The following SAMD3 variants were observed in gnomAD, a reference collection of about 807,000 sequenced individuals.
The protein encoded by SAMD3 is sterile alpha motif domain-containing protein 3.
SAMD3 carries 63 observed loss-of-function variants against 58.5 expected under a neutral mutation model. The observed-to-expected ratio is 1.08, with a 90% CI of 0.88 to 1.33. The LOEUF (loss-of-function observed/expected upper bound fraction) is 1.33, where lower values mean the gene tolerates loss of function less well. Among genes scored for constraint, SAMD3 ranks in the 40% most tolerant of loss-of-function variants. SAMD3 has a pLI of 0.00. For synonymous variants in SAMD3, 220 were observed against 210.3 expected (o/e 1.05, Z -0.40); for missense variants, 604 against 608.4 (o/e 0.99, Z 0.08).
chr6:130,200,005 A>T (rs7763493), intron 5 of SAMD3, among the ~76,000 whole-genome samples: 120,228 of 152,018 alleles, frequency 0.79, 48,039 homozygotes, highest in African/African-American at 0.9. Context: ...CTTGGCAAAG[A>T]TAGACAGATG....
In SAMD3 at chr6:130,165,291, AAACT is replaced by A. The variant is rs1428969044; in HGVS notation, c.823-10270_823-10267del. ...GCAAAACAGAAACCAAATGTAGATT[AAACT>A]AACTGACAAAGATAAAATGATCTAT... On this transcript the variant is annotated intron_variant, in intron 8 of 11. Coordinates refer to ENST00000439090, the MANE Select transcript of SAMD3 (RefSeq NM_001017373.4). 3.3e-5 allele frequency among the ~76,000 whole-genome samples: 5 copies of A among 152,326 alleles called. No homozygotes were observed. The East Asian group carries it at 7.7e-4, about 23-fold the overall frequency.
intron 2 of SAMD3, among the ~76,000 whole-genome samples, chr6:130,310,007 C>G (rs1776088241): frequency 6.6e-6 from 1 of 152,054 alleles, no homozygotes; most frequent in Non-Finnish European, 1.5e-5. Context: ...AAGTTAATAC[C>G]TGTTTCTGTC....
At chr6:130,321,545 T>G (rs1426329592) in intron 1 of SAMD3, among the ~76,000 whole-genome samples, 1 of 152,202 alleles carries the variant, frequency 6.6e-6, no homozygotes, top group Non-Finnish European at 1.5e-5. Flanking sequence ...AATCCAGAGG[T>G]GTTCCTTAGA....
upstream of SAMD3, among the ~76,000 whole-genome samples, chr6:130,224,776 G>GC (rs756965018): frequency 7.3e-5 from 11 of 151,710 alleles, no homozygotes; most frequent in Non-Finnish European, 1.5e-4. Context: ...GTGCCACCAC[G>GC]CCCAGCTAAG....
At chr6:130,217,745 A>C (rs1322763939) in intron 1 of SAMD3, among the ~76,000 whole-genome samples, 2 of 152,210 alleles carry the variant, frequency 1.3e-5, no homozygotes, top group Non-Finnish European at 2.9e-5. Context: ...AAAATATGAA[A>C]ACTTTTTGTC....
At chr6:130,277,474 T>C (rs1583040778) in intron 2 of SAMD3, among the ~76,000 whole-genome samples, 1 of 152,346 alleles carries the variant, frequency 6.6e-6, no homozygotes, top group Middle Eastern at 3.4e-3. Context: ...TTGACACTAA[T>C]TGATCAGCCA....
intron 2 of SAMD3, among the ~76,000 whole-genome samples, chr6:130,311,940 G>A (rs528632037): frequency 4.6e-4 from 70 of 152,202 alleles, no homozygotes; most frequent in African/African-American, 1.7e-3. Context: ...GAGAGAAGGA[G>A]CCTGCCTGAA....
At chr6:130,279,801 A>C (rs1774920114) in intron 2 of SAMD3, among the ~76,000 whole-genome samples, 1 of 152,086 alleles carries the variant, frequency 6.6e-6, no homozygotes, top group Non-Finnish European at 1.5e-5. Flanking sequence ...TCTTTTCTTT[A>C]TAAATTACCC....
chr6:130,199,748 TA>T (rs1794471215), intron 5 of SAMD3, among the ~76,000 whole-genome samples: 1 of 152,218 alleles, frequency 6.6e-6, no homozygotes, highest in Non-Finnish European at 1.5e-5. Flanking sequence ...AAAGCACCCC[TA>T]AACTATGAAG....
chr6:130,169,777 G>T (rs1791073866), intron 8 of SAMD3, among the ~76,000 whole-genome samples: 1 of 152,202 alleles, frequency 6.6e-6, no homozygotes, highest in Non-Finnish European at 1.5e-5. Flanking sequence ...AACACAAGAG[G>T]TGGGCTTGTA....
intron 1 of SAMD3, among the ~76,000 whole-genome samples, chr6:130,318,246 T>C (rs1316879934): frequency 6.6e-6 from 1 of 152,100 alleles, no homozygotes; most frequent in Non-Finnish European, 1.5e-5. Flanking sequence ...AAGTCAGGCC[T>C]GGACTATCAC....
At position 130,249,718 on chromosome 6, in the gene SAMD3, G is replaced by T. The variant is rs373090453; in HGVS notation, c.-187-26905C>A. Among the ~76,000 whole-genome samples the T allele has an allele frequency of 3.3e-5, 5 of 152,116 alleles. No homozygotes were observed. The East Asian group carries it at 7.7e-4, about 23-fold the overall frequency. On this transcript the variant is annotated intron_variant, in intron 2 of 13. Transcript: ENST00000368134. ...CCACCTAGTAAGCAATGAGCTATGG[G>T]ACACAAAGAATGGTAGGTTTGAAGG...
intron 7 of SAMD3, among the ~76,000 whole-genome samples, chr6:130,180,618 T>TC (rs1248973723): frequency 1.3e-5 from 2 of 152,188 alleles, no homozygotes; most frequent in African/African-American, 2.4e-5. Context: ...TCCCCTTGTT[T>TC]GGTTTTGTTG....
rs369679277 is a variant in SAMD3, at chr6:130,148,303, C to T, written c.1024-2122G>A. On this transcript the variant is annotated intron_variant, in intron 9 of 11. Transcript: ENST00000439090. ...TTAATCAATTCCCATTTTACCCAAA[C>T]GGTTACAAATCTGATCCTTTCATTA... Among the ~76,000 whole-genome samples, 12 of 152,320 alleles carry T rather than the reference C, an allele frequency of 7.9e-5. No individual in the cohort carries two copies. The East Asian group carries it at 9.6e-4, about 12-fold the overall frequency.
At chr6:130,172,024 T>A (rs1367780938) in intron 8 of SAMD3, among the ~76,000 whole-genome samples, 1 of 152,220 alleles carries the variant, frequency 6.6e-6, no homozygotes, top group Non-Finnish European at 1.5e-5. Context: ...GAGACTAGGA[T>A]TGCAACCCCT....
intron 2 of SAMD3, among the ~76,000 whole-genome samples, chr6:130,286,752 C>G (rs1252342218): frequency 6.6e-6 from 1 of 152,144 alleles, no homozygotes; most frequent in Non-Finnish European, 1.5e-5. Flanking sequence ...TGCTCTGTCG[C>G]CCAGGCTGGA....
chr6:130,329,538 C>T (rs1170481760), intron 1 of SAMD3, among the ~76,000 whole-genome samples: 1 of 152,104 alleles, frequency 6.6e-6, no homozygotes, highest in African/African-American at 2.4e-5. Flanking sequence ...CCAGAAATAC[C>T]ATTTGACCCA....
chr6:130,173,016 A>G (rs1791386255), intron 8 of SAMD3, among the ~76,000 whole-genome samples: 2 of 151,900 alleles, frequency 1.3e-5, no homozygotes, highest in South Asian at 4.1e-4. Flanking sequence ...ATACTTGACG[A>G]AGTTCTCGTC....
intron 5 of SAMD3, among the ~76,000 whole-genome samples, chr6:130,209,259 G>A (rs1275012878): frequency 1.3e-5 from 2 of 152,120 alleles, no homozygotes; most frequent in African/African-American, 2.4e-5. Context: ...TCTTAAAAAT[G>A]TATACTTGAA....
Sources: gnomAD v4.1 joint callset for allele counts (sites outside exome capture counted in the v4.1 genomes callset) on GRCh38, gnomAD v4.1.1 for gene constraint, MANE v1.5 for transcripts, NCBI Gene and HGNC (gene_info 2026-07-23, HGNC 2026-07-21) for gene names.